The following DNM1L variants were observed in gnomAD, a reference collection of about 807,000 sequenced individuals.
The protein encoded by DNM1L is dynamin-1-like protein.
DNM1L carries 33 observed loss-of-function variants against 92.8 expected under a neutral mutation model. That is an observed-to-expected ratio of 0.36 (90% confidence interval 0.27 to 0.48). The LOEUF is 0.48. Ranked by LOEUF, DNM1L falls within the 20% of genes least tolerant of loss-of-function variation. The pLI is 0.99. For missense variants in DNM1L, 485 were observed against 888.8 expected, an observed-to-expected ratio of 0.55 and a Z score of 5.78; for synonymous variants, 284 against 305.0, an observed-to-expected ratio of 0.93 and a Z score of 0.72.
intron 13 of DNM1L, among the ~76,000 whole-genome samples, chr12:32,734,081 G>A (rs1954724900): frequency 6.6e-6 from 1 of 152,174 alleles, no homozygotes; most frequent in Non-Finnish European, 1.5e-5. Flanking sequence ...GTAACTTATA[G>A]TTTATACAGG....
At chr12:32,709,930 A>T (rs1953060905) in intron 4 of DNM1L, among the ~76,000 whole-genome samples, 1 of 152,206 alleles carries the variant, frequency 6.6e-6, no homozygotes, top group Non-Finnish European at 1.5e-5. Flanking sequence ...GGAGTAAAGG[A>T]TATTAAAAAC....
intron 16 of DNM1L, among the ~76,000 whole-genome samples, chr12:32,739,641 T>C (rs1019131674): frequency 1.3e-5 from 2 of 152,210 alleles, no homozygotes; most frequent in African/African-American, 4.8e-5. Context: ...CATGGAACTT[T>C]TAGAGTTTAA....
Position 32,743,395 on chromosome 12 carries a change from G to A in DNM1L, c.2196G>A (p.Glu732=). 6.2e-7 allele frequency: 1 copy of A among 1,613,990 alleles called. No homozygotes were observed. Among genetic ancestry groups the A allele is most frequent in the Non-Finnish European group, 8.5e-7 (1 of 1,179,998 alleles). The change falls in exon 20 of 20, where the codon GAG becomes GAA. Residue 732 remains glutamate (E), a synonymous_variant. Coordinates refer to ENST00000549701, the MANE Select transcript of DNM1L (RefSeq NM_012062.5). The stretch of plus-strand genomic sequence containing the variant: ...GTCAAATTATTGCTGAAATCCGGGA[G>A]ACTCATCTTTGGTGAAGAGAACTAT... ...GASQIIAEIR[E]THLW
intron 1 of DNM1L, among the ~76,000 whole-genome samples, chr12:32,700,616 G>C (rs1002395592): frequency 1.3e-5 from 2 of 151,884 alleles, no homozygotes; most frequent in African/African-American, 4.8e-5. Context: ...ATAGTAGCGC[G>C]TGCCTGTAGT....
At chr12:32,729,948 G>A (rs908915792) in intron 9 of DNM1L, among the ~76,000 whole-genome samples, 2 of 152,152 alleles carry the variant, frequency 1.3e-5, no homozygotes, top group African/African-American at 4.8e-5. Context: ...ATGATTTGGG[G>A]AGGCATTATA....
intron 4 of DNM1L, among the ~76,000 whole-genome samples, chr12:32,708,596 A>T (rs1057425799): frequency 5.3e-5 from 8 of 152,038 alleles, no homozygotes; most frequent in Admixed American, 3.3e-4. Flanking sequence ...GCATTGTTTC[A>T]CTTATATATA....
At chr12:32,713,128 A>G in intron 5 of DNM1L, 81 bp from the exon 6 acceptor site, 2 of 1,372,698 alleles carry the variant, frequency 1.5e-6, no homozygotes, top group South Asian at 1.2e-5. Context: ...GGATATACCT[A>G]TATTCTATCG....
intron 1 of DNM1L, among the ~76,000 whole-genome samples, chr12:32,698,483 T>C (rs10771984): frequency 0.15 from 23,406 of 152,228 alleles, 1,902 homozygotes; most frequent in Middle Eastern, 0.21. Flanking sequence ...CATTATCCCT[T>C]GTGATTTCCT....
At chr12:32,702,782 A>C (rs1159290478) in intron 2 of DNM1L, among the ~76,000 whole-genome samples, 3 of 152,128 alleles carry the variant, frequency 2.0e-5, no homozygotes, top group Non-Finnish European at 4.4e-5. Context: ...AGATGTTGCA[A>C]GTAATATTTT....
chr12:32,712,241 A>G (rs1182084048), intron 5 of DNM1L, among the ~76,000 whole-genome samples: 1 of 152,168 alleles, frequency 6.6e-6, no homozygotes, highest in Non-Finnish European at 1.5e-5. Flanking sequence ...CCATTTCACT[A>G]AAAGCCCAAG....
chr12:32,711,434 T>C (rs183299323), intron 5 of DNM1L, among the ~76,000 whole-genome samples: 2 of 152,188 alleles, frequency 1.3e-5, no homozygotes, highest in African/African-American at 2.4e-5. Context: ...ATTCGACATA[T>C]ACACTTAAAT....
rs1488245279 is a variant in DNM1L, at chr12:32,734,378, A to C, written c.1539+571A>C. Among the ~76,000 whole-genome samples, 3 of 152,054 alleles carry C rather than the reference A, an allele frequency of 2.0e-5. No individual in the cohort carries two copies. In the East Asian group the frequency reaches 5.8e-4, roughly 29 times the overall value. ...TCCAAAAATAGTACATTTTTCTGCTACTCCCTAATTCAGTAAGACCTGAGT... is the reference window on the plus strand; with the variant it reads ...TCCAAAAATAGTACATTTTTCTGCTCCTCCCTAATTCAGTAAGACCTGAGT... On this transcript the variant is annotated intron_variant, in intron 13 of 19. Coordinates refer to ENST00000549701, the MANE Select transcript of DNM1L (RefSeq NM_012062.5).
chr12:32,725,991 A>G (rs1325367407), intron 9 of DNM1L, among the ~76,000 whole-genome samples: 2 of 151,790 alleles, frequency 1.3e-5, no homozygotes, highest in African/African-American at 2.4e-5. Flanking sequence ...AGGCACAGCT[A>G]ATCCAAGCAG....
chr12:32,693,427 A>T (rs1354445879), intron 1 of DNM1L, among the ~76,000 whole-genome samples: 3 of 152,190 alleles, frequency 2.0e-5, no homozygotes, highest in African/African-American at 7.2e-5. Context: ...CTGTGAGGAA[A>T]AGAAGTTTTA....
chr12:32,719,694 G>T (rs1351744886), intron 7 of DNM1L, among the ~76,000 whole-genome samples: 1 of 152,170 alleles, frequency 6.6e-6, no homozygotes, highest in African/African-American at 2.4e-5. Context: ...ATTATAAATA[G>T]TTGGTATTAA....
Position 32,710,192 on chromosome 12 carries a change from A to G in DNM1L, c.370-737A>G, listed in dbSNP as rs960742876. Among the ~76,000 whole-genome samples the G allele has an allele frequency of 2.6e-5, 4 of 152,182 alleles. No individual in the cohort carries two copies. In the East Asian group the frequency reaches 7.7e-4, roughly 29 times the overall value. ...AATACACGTTACCTCTCACTATCCAAATTCTTACTAGAGATTAAAGAGTTA... is the reference window on the plus strand; with the variant it reads ...AATACACGTTACCTCTCACTATCCAGATTCTTACTAGAGATTAAAGAGTTA... On this transcript the variant is annotated intron_variant, in intron 4 of 19. Coordinates refer to ENST00000549701, the MANE Select transcript of DNM1L (RefSeq NM_012062.5).
intron 1 of DNM1L, among the ~76,000 whole-genome samples, chr12:32,695,034 CAAG>C (rs368584731): frequency 0.01 from 1,550 of 152,160 alleles, 32 homozygotes; most frequent in African/African-American, 0.034. Context: ...CCACTCCTCA[CAAG>C]AAGAAGGAAC....
At chr12:32,717,167 T>C (rs1953430070) in intron 6 of DNM1L, among the ~76,000 whole-genome samples, 1 of 122,338 alleles carries the variant, frequency 8.2e-6, no homozygotes, top group African/African-American at 3.1e-5. Flanking sequence ...ATATATATAC[T>C]ATAAAATATA....
chr12:32,730,958 T>C, intron 9 of DNM1L, 56 bp from the exon 10 acceptor site: 2 of 1,610,482 alleles, frequency 1.2e-6, no homozygotes, highest in South Asian at 1.1e-5. Flanking sequence ...ACTTCTAACT[T>C]GTATCTTCTT....
Sources: gnomAD v4.1 joint callset for allele counts (sites outside exome capture counted in the v4.1 genomes callset) on GRCh38, gnomAD v4.1.1 for gene constraint, MANE v1.5 for transcripts, NCBI Gene and HGNC (gene_info 2026-07-23, HGNC 2026-07-21) for gene names.